Variants in AGPAT5 observed in about 807,000 individuals in gnomAD.
The protein encoded by AGPAT5 is 1-acyl-sn-glycerol-3-phosphate acyltransferase epsilon.
In AGPAT5, 46 loss-of-function variants were observed where a neutral mutation model predicts 45.6. The ratio of observed to expected loss-of-function variants is 1.01; its 90% CI spans 0.80 to 1.29. The LOEUF (loss-of-function observed/expected upper bound fraction) is 1.29. AGPAT5 is among the 50% of genes most tolerant of loss of function. The probability of loss-of-function intolerance (pLI) is 0.00; values close to 1 mark genes in which losing one functional copy is unlikely to be tolerated. For synonymous variants in AGPAT5, 272 were observed against 167.0 expected (o/e 1.63, Z -4.85); for missense variants, 673 against 450.7 (o/e 1.49, Z -4.47).
chr8:6,740,711 G>A (rs1309516138), intron 4 of AGPAT5, among the ~76,000 whole-genome samples: 1 of 152,026 alleles, frequency 6.6e-6, no homozygotes, highest in Admixed American at 6.6e-5. Context: ...AGTAGGAGCT[G>A]TATGATCATA....
intron 2 of AGPAT5, among the ~76,000 whole-genome samples, chr8:6,728,802 T>A (rs1375141289): frequency 6.6e-6 from 1 of 152,248 alleles, no homozygotes; most frequent in Admixed American, 6.5e-5. Context: ...CAGGGTCGAT[T>A]ATATGGTTTC....
intron 2 of AGPAT5, among the ~76,000 whole-genome samples, chr8:6,728,481 G>C (rs1314509781): frequency 6.6e-6 from 1 of 152,182 alleles, no homozygotes; most frequent in Non-Finnish European, 1.5e-5. Flanking sequence ...CAAGTTTAAG[G>C]GCATAGCCCA....
chr8:6,726,675 A>G (rs891979232), intron 2 of AGPAT5, among the ~76,000 whole-genome samples: 4 of 152,304 alleles, frequency 2.6e-5, no homozygotes, highest in South Asian at 2.1e-4. Flanking sequence ...TTGGGACTAG[A>G]AGGTACTATG....
rs1289963510 is a variant in AGPAT5 at position 6,760,108 on chromosome 8, A to T, written c.*2720A>T. Reference sequence around the variant, plus strand: ...AAGCTTTATTTTTTCCTTTGTTCATAATTATATTCTTTGAATAGGTCTGTG... The same window carrying T: ...AAGCTTTATTTTTTCCTTTGTTCATTATTATATTCTTTGAATAGGTCTGTG... On this transcript the variant is annotated 3_prime_UTR_variant, in exon 8 of 8. Transcript: ENST00000285518. 6.6e-6 allele frequency among the ~76,000 whole-genome samples: 1 copy of T among 152,186 alleles called. No homozygotes were observed. The highest frequency in any genetic ancestry group is 1.5e-5 in the Non-Finnish European group (1 of 68,040).
At position 6,755,113 on chromosome 8, in the gene AGPAT5, G is replaced by A. The variant is rs777951901; in HGVS notation, c.808G>A (p.Val270Ile). The change falls in exon 7 of 8, where the codon GTC becomes ATC. Residue 270 changes from valine (V) to isoleucine (I), a missense_variant. By Grantham distance (29) the Val-to-Ile change is conservative (BLOSUM62 3). Transcript: ENST00000285518. ...IHIDRIDKKDVPEEQEHMRRW... is the reference protein window; with the variant it reads ...IHIDRIDKKDIPEEQEHMRRW... ...CATTGATCGTATCGACAAAAAAGAT[G>A]TCCCAGAAGAACAAGAACATATGAG... 6.2e-7 allele frequency: 1 copy of A among 1,608,210 alleles called. No homozygotes were observed.
chr8:6,725,439 G>A (rs538657979), intron 2 of AGPAT5, among the ~76,000 whole-genome samples: 78 of 152,292 alleles, frequency 5.1e-4, no homozygotes, highest in African/African-American at 1.8e-3. Context: ...CAGAGGAATT[G>A]CAGAGAACTG....
intron 1 of AGPAT5, among the ~76,000 whole-genome samples, 191 bp from the exon 2 acceptor site, chr8:6,724,674 AACCTG>A (rs1800624108): frequency 7.6e-5 from 1 of 13,230 alleles, no homozygotes. Flanking sequence ...TATTACCGTT[AACCTG>A]TACTATACAT....
chr8:6,736,241 C>A (rs1442488726), intron 4 of AGPAT5, among the ~76,000 whole-genome samples: 1 of 152,212 alleles, frequency 6.6e-6, no homozygotes, highest in Non-Finnish European at 1.5e-5. Flanking sequence ...TGGTACCACA[C>A]TATTAATTGT....
At chr8:6,757,074 T>C (rs1587074301) in intron 7 of AGPAT5, 89 bp from the exon 8 acceptor site, 1 of 967,908 alleles carries the variant, frequency 1.0e-6, no homozygotes, top group East Asian at 2.6e-5. Context: ...TGCATAACTT[T>C]TCCAGCGTGT....
chr8:6,711,822 C>T (rs1185176408), intron 1 of AGPAT5, among the ~76,000 whole-genome samples: 2 of 152,192 alleles, frequency 1.3e-5, no homozygotes, highest in African/African-American at 4.8e-5. Flanking sequence ...GCCTTACAGT[C>T]CTTGCTGCCA....
intron 1 of AGPAT5, among the ~76,000 whole-genome samples, chr8:6,714,830 G>A (rs1800268181): frequency 3.3e-5 from 5 of 152,298 alleles, no homozygotes; most frequent in African/African-American, 1.2e-4. Context: ...GGAAGGCACG[G>A]GAAAACAGCA....
In AGPAT5 at chr8:6,759,069, C is replaced by G. The variant is rs1390635655; in HGVS notation, c.*1681C>G. On this transcript the variant is annotated 3_prime_UTR_variant, in exon 8 of 8. Coordinates refer to ENST00000285518, the MANE Select transcript of AGPAT5 (RefSeq NM_018361.5). ...TAGAATGTATGCACACATCCATGGA[C>G]ACTCAGGATATAGTTGGCCTAATAA... is the stretch of plus-strand genomic sequence containing the variant. The G allele has an allele frequency of 6.6e-6, 1 of 152,194 alleles. No homozygotes were observed. Among genetic ancestry groups the G allele is most frequent in the Non-Finnish European group, 1.5e-5 (1 of 68,044 alleles). 9.4% of individuals were successfully genotyped at this position (152,194 alleles called of 1,614,324 possible).
At chr8:6,724,984 C>T (rs1255937830) in intron 2 of AGPAT5, 45 bp downstream of exon 2, 2 of 735,016 alleles carry the variant, frequency 2.7e-6, no homozygotes, top group East Asian at 3.6e-5. Context: ...CTACAGATGG[C>T]ACATGGGCAT....
In AGPAT5 at chr8:6,754,147, T is replaced by G. The variant is rs79095683; in HGVS notation, c.746-904T>G. 2.5e-3 allele frequency among the ~76,000 whole-genome samples: 377 copies of G among 152,320 alleles called. 1 individual carries two copies. The highest frequency in any genetic ancestry group is 8.9e-3 in the African/African-American group (368 of 41,574). On this transcript the variant is annotated intron_variant, in intron 6 of 7. Transcript: ENST00000285518. ...TTCAAGGAACTTAAATATGTTAACA[T>G]TCTTACCTGTCCACAGGGAGCCCCC...
chr8:6,755,643 C>A (rs1426980387), intron 7 of AGPAT5, among the ~76,000 whole-genome samples: 2 of 152,138 alleles, frequency 1.3e-5, no homozygotes, highest in Non-Finnish European at 2.9e-5. Context: ...CAGTTGACAG[C>A]GTTATATCCA....
At position 6,759,834 on chromosome 8, in the gene AGPAT5, A is replaced by T. The variant is rs1801971624; in HGVS notation, c.*2446A>T. On this transcript the variant is annotated 3_prime_UTR_variant, in exon 8 of 8. Coordinates refer to ENST00000285518, the MANE Select transcript of AGPAT5 (RefSeq NM_018361.5). ...AATCAAAACTGTTAAGCAGTATATTAGTTTGGTTATATAAATTCATCTGCA... is the reference window on the plus strand; with the variant it reads ...AATCAAAACTGTTAAGCAGTATATTTGTTTGGTTATATAAATTCATCTGCA... Among the ~76,000 whole-genome samples the T allele has an allele frequency of 6.6e-6, 1 of 152,238 alleles. No individual in the cohort carries two copies. Among genetic ancestry groups the T allele is most frequent in the Admixed American group, 6.5e-5 (1 of 15,280 alleles).
chr8:6,755,298 A>C lies in AGPAT5; in HGVS notation c.869+124A>C, dbSNP rs1801798114. 7.3e-6 allele frequency: 8 copies of C among 1,090,718 alleles called. No homozygotes were observed. The Admixed American group carries it at 1.0e-4, about 14-fold the overall frequency. The allele number at this position is 1,090,718 out of a possible 1,614,324, so 67.6% of individuals were successfully genotyped here. A position where few individuals can be genotyped will look rare whatever the true frequency, so the allele number is the denominator to read the frequency against. On this transcript the variant is annotated intron_variant, in intron 7 of 7. Transcript: ENST00000285518. ...AGAATACATTTTATAAATTCAAATC[A>C]AATTTTATGCATGTCTGATCGTGTT...
intron 4 of AGPAT5, among the ~76,000 whole-genome samples, chr8:6,734,406 A>G (rs1403032108): frequency 6.6e-6 from 1 of 151,802 alleles, no homozygotes; most frequent in Non-Finnish European, 1.5e-5. Context: ...GGCACTCTTC[A>G]TCTCTGCTAC....
At chr8:6,708,978 C>T (rs1466357012) in intron 1 of AGPAT5, 91 bp downstream of exon 1, 2 of 1,265,488 alleles carry the variant, frequency 1.6e-6, no homozygotes, top group Middle Eastern at 1.8e-4. Flanking sequence ...CGAGGGTCAC[C>T]CGGCCGGCCC....
Sources: allele counts gnomAD v4.1 joint callset (sites outside exome capture counted in the v4.1 genomes callset), GRCh38; gene constraint gnomAD v4.1.1; transcripts MANE v1.5; gene names NCBI Gene and HGNC (gene_info 2026-07-23, HGNC 2026-07-21).